Variants in CMTM8 observed in about 807,000 individuals in gnomAD.
CMTM8 encodes the protein CKLF like MARVEL transmembrane domain containing 8.
In CMTM8, 12 loss-of-function variants were observed where a neutral mutation model predicts 18.6. The ratio of observed to expected loss-of-function variants is 0.65; its 90% CI spans 0.41 to 1.05. CMTM8 has a LOEUF of 1.05. Among genes scored for constraint, CMTM8 ranks in the 50% least tolerant of loss-of-function variants. CMTM8 has a pLI of 0.00. For synonymous variants in CMTM8, 87 were observed against 90.6 expected (o/e 0.96, Z 0.23); for missense variants, 217 against 227.2 (o/e 0.95, Z 0.29).
chr3:32,337,383 C>T (rs1244292722), intron 1 of CMTM8, among the ~76,000 whole-genome samples: 1 of 152,168 alleles, frequency 6.6e-6, no homozygotes, highest in Admixed American at 6.5e-5. Context: ...AAATCCAATC[C>T]CCTCACTCTA....
At chr3:32,284,794 G>C (rs1203494024) in intron 1 of CMTM8, among the ~76,000 whole-genome samples, 1 of 152,142 alleles carries the variant, frequency 6.6e-6, no homozygotes, top group Non-Finnish European at 1.5e-5. Context: ...TTGAGGGAAA[G>C]GTTTTTGTTT....
intron 1 of CMTM8, among the ~76,000 whole-genome samples, chr3:32,287,518 A>C (rs1702707284): frequency 6.6e-6 from 1 of 152,178 alleles, no homozygotes. Flanking sequence ...ATTTTAATAT[A>C]GGTTGGGTGA....
At chr3:32,259,076 C>T in intron 1 of CMTM8, 1 of 374,286 alleles carries the variant, frequency 2.7e-6, no homozygotes. Flanking sequence ...GGGGGTGGCT[C>T]TGGTTCCCGG....
At chr3:32,353,910 G>C (rs3853710) in intron 1 of CMTM8, among the ~76,000 whole-genome samples, 54,806 of 150,714 alleles carry the variant, frequency 0.36, 10,051 homozygotes, top group Middle Eastern at 0.49. Flanking sequence ...TCAGCCTCCC[G>C]AGTAGCTGGG....
chr3:32,295,424 C>T (rs1171064415), intron 1 of CMTM8, among the ~76,000 whole-genome samples: 5 of 124,400 alleles, frequency 4.0e-5, no homozygotes, highest in Admixed American at 1.1e-4. Flanking sequence ...ACACTGTGTT[C>T]CAGCCTGGGC....
chr3:32,362,449 A>G (rs1263457767), intron 2 of CMTM8, among the ~76,000 whole-genome samples: 3 of 152,182 alleles, frequency 2.0e-5, no homozygotes, highest in African/African-American at 7.2e-5. Flanking sequence ...CAAAGATAGA[A>G]TGCATTATTT....
rs1322143768 is a variant in CMTM8, at chr3:32,339,622, G to T, written c.148-17751G>T. 1.3e-5 allele frequency among the ~76,000 whole-genome samples: 2 copies of T among 152,218 alleles called. 1 individual carries two copies. The stretch of plus-strand genomic sequence containing the variant: ...AAGCCCTTCGGTTGTGCTTGTTGAT[G>T]CTCCACACAGTTCCCCTATAAAGTA... On this transcript the variant is annotated intron_variant, in intron 1 of 3. Coordinates refer to ENST00000307526, the MANE Select transcript of CMTM8 (RefSeq NM_178868.5).
intron 1 of CMTM8, among the ~76,000 whole-genome samples, chr3:32,312,241 C>T (rs1193897510): frequency 6.6e-6 from 1 of 152,138 alleles, no homozygotes; most frequent in African/African-American, 2.4e-5. Context: ...TGAAATGTCT[C>T]ATTTCAATGC....
intron 1 of CMTM8, among the ~76,000 whole-genome samples, chr3:32,239,454 C>A (rs192283738): frequency 2.0e-5 from 3 of 151,910 alleles, no homozygotes; most frequent in Admixed American, 1.3e-4. Flanking sequence ...ACACCTGGTG[C>A]CTTTCTCACC....
intron 2 of CMTM8, among the ~76,000 whole-genome samples, chr3:32,359,114 C>T (rs1335394991): frequency 6.6e-6 from 1 of 152,126 alleles, no homozygotes; most frequent in Non-Finnish European, 1.5e-5. Flanking sequence ...TTGCATGAGT[C>T]TCAATTTCTA....
At chr3:32,258,976 T>C in intron 1 of CMTM8, 1 of 330,318 alleles carries the variant, frequency 3.0e-6, no homozygotes, top group Non-Finnish European at 5.8e-6. Flanking sequence ...CTCCTCCAAC[T>C]GCCAGTCCGT....
At chr3:32,298,352 G>A (rs1483773848) in intron 1 of CMTM8, among the ~76,000 whole-genome samples, 4 of 151,740 alleles carry the variant, frequency 2.6e-5, no homozygotes, top group African/African-American at 9.7e-5. Flanking sequence ...GATTACAGGC[G>A]TGAGCCATCA....
chr3:32,327,577 T>G (rs1413202682), intron 1 of CMTM8, among the ~76,000 whole-genome samples: 1 of 152,242 alleles, frequency 6.6e-6, no homozygotes, highest in Non-Finnish European at 1.5e-5. Context: ...TTTTCTCAGT[T>G]GCAAAATACC....
At chr3:32,288,990 T>G (rs1419903264) in intron 1 of CMTM8, among the ~76,000 whole-genome samples, 1 of 152,208 alleles carries the variant, frequency 6.6e-6, no homozygotes, top group Non-Finnish European at 1.5e-5. Flanking sequence ...TGTGGTACTT[T>G]GTGTCTTGCA....
chr3:32,301,142 C>T (rs145598672), intron 1 of CMTM8, among the ~76,000 whole-genome samples: 5 of 152,128 alleles, frequency 3.3e-5, no homozygotes, highest in African/African-American at 9.6e-5. Context: ...TGCTATATGC[C>T]AGGTAGGACA....
intron 2 of CMTM8, among the ~76,000 whole-genome samples, chr3:32,367,612 C>T (rs1055112223): frequency 2.6e-5 from 4 of 152,068 alleles, no homozygotes; most frequent in African/African-American, 4.8e-5. Flanking sequence ...AGGAGCAAAC[C>T]GAAGAAGCAA....
intron 1 of CMTM8, among the ~76,000 whole-genome samples, chr3:32,332,542 G>A (rs1258321676): frequency 6.6e-6 from 1 of 152,144 alleles, no homozygotes; most frequent in African/African-American, 2.4e-5. Flanking sequence ...TAGGGTAAAG[G>A]CCTCATGGGG....
intron 1 of CMTM8, among the ~76,000 whole-genome samples, chr3:32,268,966 G>T (rs1458529923): frequency 2.0e-5 from 3 of 152,116 alleles, no homozygotes; most frequent in African/African-American, 7.2e-5. Context: ...TTCCAGAAAG[G>T]GCTTCAGGTA....
chr3:32,357,865 A>T (rs62244968), intron 2 of CMTM8, among the ~76,000 whole-genome samples: 2 of 152,190 alleles, frequency 1.3e-5, no homozygotes, highest in South Asian at 4.1e-4. Flanking sequence ...AACAATGTCA[A>T]CTGGAAATAA....
Sources: allele counts gnomAD v4.1 joint callset (sites outside exome capture counted in the v4.1 genomes callset), GRCh38; gene constraint gnomAD v4.1.1; transcripts MANE v1.5; gene names NCBI Gene and HGNC (gene_info 2026-07-23, HGNC 2026-07-21).